Variants in CNTN1 observed in about 807,000 individuals in gnomAD.
CNTN1 encodes the protein contactin-1.
A neutral mutation model predicts 126.4 loss-of-function variants in CNTN1; 38 were observed. The observed-to-expected ratio is 0.30, with a 90% confidence interval of 0.23 to 0.39. The LOEUF (loss-of-function observed/expected upper bound fraction) is 0.39. CNTN1 is among the 10% of genes least tolerant of loss of function. CNTN1 has a pLI of 1.00. For synonymous variants in CNTN1, 413 were observed against 422.6 expected (o/e 0.98, Z 0.28); for missense variants, 1,009 against 1,248.4 (o/e 0.81, Z 2.89).
intron 23 of CNTN1, among the ~76,000 whole-genome samples, chr12:41,055,525 T>C (rs1174306869): frequency 6.6e-6 from 1 of 152,130 alleles, no homozygotes; most frequent in Non-Finnish European, 1.5e-5. Flanking sequence ...CACACCGTAC[T>C]ACAGTTGTGG....
At chr12:40,776,946 A>G (rs1411205792) in intron 1 of CNTN1, among the ~76,000 whole-genome samples, 3 of 151,574 alleles carry the variant, frequency 2.0e-5, no homozygotes, top group African/African-American at 7.3e-5. Context: ...TTTATCTTGT[A>G]TATCCCACCT....
chr12:40,973,964 G>A lies in CNTN1; in HGVS notation c.1805-6945G>A, dbSNP rs77980459. ...AAAATATGGTCAGCTTACTATGTGT[G>A]AATGGTCATTTGGAAAATTTATATA... On this transcript the variant is annotated intron_variant, in intron 15 of 23. Coordinates refer to ENST00000551295, the MANE Select transcript of CNTN1 (RefSeq NM_001843.4). 6.6e-5 allele frequency among the ~76,000 whole-genome samples: 10 copies of A among 152,250 alleles called. No individual in the cohort carries two copies. The East Asian group carries it at 1.9e-3, about 29-fold the overall frequency.
At chr12:40,713,757 A>T (rs769989339) in intron 1 of CNTN1, among the ~76,000 whole-genome samples, 1 of 152,146 alleles carries the variant, frequency 6.6e-6, no homozygotes, top group Non-Finnish European at 1.5e-5. Flanking sequence ...CCAATACAAT[A>T]AACAAAAAAG....
chr12:40,794,439 C>CTT (rs144492303), intron 1 of CNTN1, among the ~76,000 whole-genome samples: 1 of 147,180 alleles, frequency 6.8e-6, no homozygotes, highest in Non-Finnish European at 1.5e-5. Flanking sequence ...TGAATAACTA[C>CTT]TTTTTTTTTT....
At chr12:40,862,208 T>TACACACAC (rs145686900) in intron 1 of CNTN1, among the ~76,000 whole-genome samples, 9,263 of 147,230 alleles carry the variant, frequency 0.063, 340 homozygotes, top group East Asian at 0.11. Flanking sequence ...TGTCTCTTAA[T>TACACACAC]ACACACACAC....
chr12:40,830,939 A>G (rs1941804829), intron 1 of CNTN1, among the ~76,000 whole-genome samples: 1 of 64,184 alleles, frequency 1.6e-5, no homozygotes, highest in Admixed American at 1.5e-4. Flanking sequence ...ACATATACAT[A>G]TATATATATA....
chr12:41,064,769 C>A (rs1027129108), intron 23 of CNTN1, among the ~76,000 whole-genome samples: 14 of 150,600 alleles, frequency 9.3e-5, no homozygotes, highest in African/African-American at 2.9e-4. Context: ...TGCTACCTCT[C>A]TAGATAGATA....
intron 23 of CNTN1, among the ~76,000 whole-genome samples, chr12:41,052,881 ATTAT>A (rs1218039247): frequency 1.3e-5 from 2 of 152,012 alleles, no homozygotes. Context: ...TTCTTGAAAT[ATTAT>A]TTAAAGTTAT....
chr12:40,781,903 A>G (rs1939820310), intron 1 of CNTN1, among the ~76,000 whole-genome samples: 1 of 151,978 alleles, frequency 6.6e-6, no homozygotes, highest in Non-Finnish European at 1.5e-5. Flanking sequence ...TTAGAATACA[A>G]TGTTAATTAT....
intron 1 of CNTN1, among the ~76,000 whole-genome samples, chr12:40,834,371 G>A (rs1275745074): frequency 6.6e-6 from 1 of 152,142 alleles, no homozygotes; most frequent in Non-Finnish European, 1.5e-5. Context: ...AGCCCTTTGA[G>A]AAATAAACTT....
At chr12:41,001,708 T>C (rs1308314972) in intron 17 of CNTN1, among the ~76,000 whole-genome samples, 1 of 152,208 alleles carries the variant, frequency 6.6e-6, no homozygotes, top group East Asian at 1.9e-4. Flanking sequence ...CATTCCTATG[T>C]CCTGACTGGT....
chr12:40,772,546 A>G (rs978660185), intron 1 of CNTN1, among the ~76,000 whole-genome samples: 1 of 152,098 alleles, frequency 6.6e-6, no homozygotes, highest in South Asian at 2.1e-4. Flanking sequence ...ATACCTGTAC[A>G]ATTTTTGCCA....
At chr12:41,065,348 C>G (rs1366660827) in intron 23 of CNTN1, among the ~76,000 whole-genome samples, 1 of 152,240 alleles carries the variant, frequency 6.6e-6, no homozygotes, top group Non-Finnish European at 1.5e-5. Context: ...AGCCACCGCA[C>G]CCGGCCTCAT....
At chr12:41,046,989 G>A (rs911646689) in intron 23 of CNTN1, among the ~76,000 whole-genome samples, 9 of 149,884 alleles carry the variant, frequency 6.0e-5, no homozygotes, top group African/African-American at 2.2e-4. Context: ...CTTCTCACTT[G>A]GCCAAACCCA....
At chr12:40,777,127 C>T (rs1384736541) in intron 1 of CNTN1, among the ~76,000 whole-genome samples, 1 of 151,572 alleles carries the variant, frequency 6.6e-6, no homozygotes, top group African/African-American at 2.4e-5. Context: ...CTCACTAAAC[C>T]TTAAAGCGAA....
At chr12:40,759,103 C>G (rs1938731863) in intron 1 of CNTN1, among the ~76,000 whole-genome samples, 1 of 151,980 alleles carries the variant, frequency 6.6e-6, no homozygotes, top group Non-Finnish European at 1.5e-5. Flanking sequence ...GAGGTTTCAT[C>G]ATGTTGGTCA....
chr12:40,959,829 C>T (rs546698371), intron 15 of CNTN1, among the ~76,000 whole-genome samples: 8 of 152,020 alleles, frequency 5.3e-5, no homozygotes, highest in Non-Finnish European at 1.0e-4. Context: ...CACAGCACAC[C>T]TTGTTTAAAA....
intron 1 of CNTN1, among the ~76,000 whole-genome samples, chr12:40,699,977 A>C (rs1450341085): frequency 5.3e-5 from 8 of 152,182 alleles, no homozygotes; most frequent in Non-Finnish European, 1.0e-4. Context: ...TCTAGTAAAA[A>C]TGTATTGCAT....
At chr12:40,819,649 A>G (rs542205543) in intron 1 of CNTN1, among the ~76,000 whole-genome samples, 21 of 152,102 alleles carry the variant, frequency 1.4e-4, no homozygotes, top group Non-Finnish European at 2.8e-4. Flanking sequence ...TTCCTCCCTC[A>G]AGGAGCTCAA....
Sources: gnomAD v4.1 joint callset for allele counts (sites outside exome capture counted in the v4.1 genomes callset) on GRCh38, gnomAD v4.1.1 for gene constraint, MANE v1.5 for transcripts, NCBI Gene and HGNC (gene_info 2026-07-23, HGNC 2026-07-21) for gene names.